Variants in CADPS2 observed in about 807,000 individuals in gnomAD.
CADPS2 encodes calcium-dependent secretion activator 2.
A neutral mutation model predicts 172.5 loss-of-function variants in CADPS2; 93 were observed. The observed-to-expected ratio is 0.54, with a 90% CI of 0.46 to 0.64. CADPS2 has a LOEUF of 0.64. Ranked by LOEUF, CADPS2 falls within the 30% of genes least tolerant of loss-of-function variation. The pLI is 0.00. For synonymous variants in CADPS2, 546 were observed against 555.2 expected, an observed-to-expected ratio of 0.98 and a Z score of 0.23; for missense variants, 1,420 against 1,565.9, an observed-to-expected ratio of 0.91 and a Z score of 1.57.
In CADPS2 at chr7:122,486,583, T is replaced by A. The variant is rs575487967; in HGVS notation, c.1852+3498A>T. Among the ~76,000 whole-genome samples the A allele has an allele frequency of 8.5e-5, 13 of 152,352 alleles. No individual in the cohort carries two copies. The South Asian group carries it at 2.3e-3, about 27-fold the overall frequency. ...TGATTTTTGAGATGGAATCTACTTC[T>A]GGTGAAGATGCTGTGAACATTGTTG... On this transcript the variant is annotated intron_variant, in intron 11 of 29. Coordinates refer to ENST00000449022, the MANE Select transcript of CADPS2 (RefSeq NM_017954.11).
intron 28 of CADPS2, among the ~76,000 whole-genome samples, chr7:122,335,921 A>G (rs535135268): frequency 4.9e-4 from 75 of 152,346 alleles, no homozygotes; most frequent in African/African-American, 1.8e-3. Context: ...GAGAAAAAAG[A>G]GAAATGGGTT....
intron 6 of CADPS2, among the ~76,000 whole-genome samples, chr7:122,585,941 T>A (rs2069606895): frequency 6.6e-6 from 1 of 151,968 alleles, no homozygotes; most frequent in South Asian, 2.1e-4. Flanking sequence ...ACTTATCCTA[T>A]CAAAATAATT....
intron 8 of CADPS2, among the ~76,000 whole-genome samples, chr7:122,518,640 T>C (rs2060552829): frequency 6.6e-6 from 1 of 152,020 alleles, no homozygotes; most frequent in Non-Finnish European, 1.5e-5. Flanking sequence ...TCCCTCAATA[T>C]TTTGTAACCT....
intron 28 of CADPS2, among the ~76,000 whole-genome samples, chr7:122,330,561 C>A (rs2034747964): frequency 6.6e-6 from 1 of 152,130 alleles, no homozygotes; most frequent in Admixed American, 6.5e-5. Flanking sequence ...AAAACCAGAC[C>A]CCCAGGCACA....
At chr7:122,843,985 A>C (rs1231265339) in intron 1 of CADPS2, among the ~76,000 whole-genome samples, 1 of 152,224 alleles carries the variant, frequency 6.6e-6, no homozygotes, top group Non-Finnish European at 1.5e-5. Context: ...AAACTGGGAT[A>C]ACCAGCAGAG....
At chr7:122,684,435 G>GTA (rs1406839014) in intron 2 of CADPS2, among the ~76,000 whole-genome samples, 7 of 144,128 alleles carry the variant, frequency 4.9e-5, no homozygotes, top group Non-Finnish European at 9.4e-5. Context: ...TTTGTAGTAA[G>GTA]CATATATATA....
intron 3 of CADPS2, among the ~76,000 whole-genome samples, chr7:122,640,490 CAGAG>C (rs200620103): frequency 6.8e-6 from 1 of 146,008 alleles, no homozygotes; most frequent in Non-Finnish European, 1.5e-5. Flanking sequence ...CACACACACA[CAGAG>C]ATAGAGAGAG....
intron 2 of CADPS2, chr7:122,676,736 G>A (rs1014502132): frequency 6.9e-7 from 1 of 1,451,678 alleles, no homozygotes; most frequent in South Asian, 1.3e-5. Flanking sequence ...CCAACTCAGA[G>A]GCAGATCCAG....
At chr7:122,705,710 AT>A (rs1166050932) in intron 2 of CADPS2, among the ~76,000 whole-genome samples, 1 of 21,028 alleles carries the variant, frequency 4.8e-5, no homozygotes, top group African/African-American at 1.2e-4. Context: ...AATATATCAT[AT>A]ATTATATAAT....
At chr7:122,496,829 C>T (rs115966221) in intron 9 of CADPS2, among the ~76,000 whole-genome samples, 1,849 of 152,174 alleles carry the variant, frequency 0.012, 39 homozygotes, top group African/African-American at 0.042. Context: ...TGATTATTCA[C>T]GTCCATTAGG....
intron 19 of CADPS2, chr7:122,413,070 C>T (rs2047494892): frequency 6.6e-6 from 1 of 152,292 alleles, no homozygotes; most frequent in African/African-American, 2.4e-5. Flanking sequence ...CACTCACTAG[C>T]TGTGCATCTG....
chr7:122,537,380 G>T (rs1201176979), intron 8 of CADPS2, among the ~76,000 whole-genome samples: 1 of 151,416 alleles, frequency 6.6e-6, no homozygotes, highest in African/African-American at 2.4e-5. Context: ...AAATTATAAA[G>T]TGTAATGCTA....
At chr7:122,633,946 C>T (rs1324831481) in intron 3 of CADPS2, among the ~76,000 whole-genome samples, 1 of 152,020 alleles carries the variant, frequency 6.6e-6, no homozygotes, top group Admixed American at 6.6e-5. Flanking sequence ...ATTGAGATTA[C>T]ATGGTTTTTA....
chr7:122,679,265 T>TGGGGCGG (rs746896445), intron 2 of CADPS2, among the ~76,000 whole-genome samples: 1 of 39,146 alleles, frequency 2.6e-5, no homozygotes, highest in African/African-American at 7.1e-5. Flanking sequence ...AATGCATTCC[T>TGGGGCGG]GGGGGGGGGG....
rs958319305 is a variant in CADPS2 at position 122,735,183 on chromosome 7, T to A, written c.453+1772A>T. Reference sequence around the variant, plus strand: ...AAGTTGTGATGCTATACTCAACCAGTCCATTCTATTTTGGGGCACTGCAAC... The same window carrying A: ...AAGTTGTGATGCTATACTCAACCAGACCATTCTATTTTGGGGCACTGCAAC... On this transcript the variant is annotated intron_variant, in intron 2 of 29. Transcript: ENST00000449022. Among the ~76,000 whole-genome samples the A allele has an allele frequency of 2.0e-3, 308 of 152,200 alleles. 7 individuals carry two copies. The highest frequency in any genetic ancestry group is 0.02 in the Admixed American group (303 of 15,252).
At chr7:122,684,690 C>T (rs1273100925) in intron 2 of CADPS2, among the ~76,000 whole-genome samples, 1 of 152,038 alleles carries the variant, frequency 6.6e-6, no homozygotes, top group Non-Finnish European at 1.5e-5. Flanking sequence ...GGGTGATATG[C>T]CAATGTTAAC....
At chr7:122,589,999 T>C (rs1402988390) in intron 6 of CADPS2, among the ~76,000 whole-genome samples, 1 of 151,882 alleles carries the variant, frequency 6.6e-6, no homozygotes, top group Non-Finnish European at 1.5e-5. Flanking sequence ...AACTTATCCG[T>C]CACCAAAACA....
intron 20 of CADPS2, among the ~76,000 whole-genome samples, chr7:122,400,411 T>C (rs2151580350): frequency 6.6e-6 from 1 of 151,928 alleles, no homozygotes; most frequent in South Asian, 2.1e-4. Context: ...CACTCCAGCC[T>C]GGGCAATAAG....
chr7:122,867,274 A>G (rs1265424659), intron 1 of CADPS2, among the ~76,000 whole-genome samples: 2 of 152,214 alleles, frequency 1.3e-5, no homozygotes, highest in East Asian at 3.9e-4. Flanking sequence ...CTTGAGCAAC[A>G]TGATAAAATA....
Sources: allele counts gnomAD v4.1 joint callset (sites outside exome capture counted in the v4.1 genomes callset), GRCh38; gene constraint gnomAD v4.1.1; transcripts MANE v1.5; gene names NCBI Gene and HGNC (gene_info 2026-07-23, HGNC 2026-07-21).